The following KIAA1210 variants were observed in gnomAD, a reference collection of about 807,000 sequenced individuals.
KIAA1210 encodes the protein acrosomal protein KIAA1210.
A neutral mutation model predicts 78.9 loss-of-function variants in KIAA1210; 48 were observed. The observed-to-expected ratio is 0.61, with a 90% CI of 0.48 to 0.77. The LOEUF (loss-of-function observed/expected upper bound fraction) is 0.77. Among genes scored for constraint, KIAA1210 ranks in the 30% least tolerant of loss-of-function variants. The pLI is 0.00. For synonymous variants in KIAA1210, 406 were observed against 404.5 expected, an observed-to-expected ratio of 1.00 and a Z score of -0.04; for missense variants, 1,108 against 1,100.0, an observed-to-expected ratio of 1.01 and a Z score of -0.10.
intron 3 of KIAA1210, among the ~76,000 whole-genome samples, chrX:119,109,766 C>T (rs7056581): frequency 0.014 from 1,583 of 111,786 alleles, 36 homozygotes; most frequent in African/African-American, 0.049. Flanking sequence ...AAGATCTTCA[C>T]AGATACACAA....
At position 119,088,175 on chromosome X, in the gene KIAA1210, G is replaced by A. The variant is rs1187268236; in HGVS notation, c.2527C>T (p.Pro843Ser). ...ERVISVEPLL[P>S]RYSPQSLTDP... The stretch of plus-strand genomic sequence containing the variant: ...GTCAAGGACTGAGGAGAATATCTGG[G>A]GAGTAGTGGCTCCACAGAAATGACT... The change falls in exon 9 of 12, where the codon CCC (proline) becomes TCC (serine). Residue 843 changes from proline (P) to serine (S), a missense_variant. By Grantham distance (74) the Pro-to-Ser change is moderately conservative. Around this residue, in one of 5 missense-constraint regions of KIAA1210, gnomAD observed 672 missense variants for 607.1 expected, o/e 1.11. Transcript: ENST00000691062. 1.7e-6 allele frequency: 2 copies of A among 1,211,308 alleles called. No individual in the cohort carries two copies. Among genetic ancestry groups the A allele is most frequent in the Non-Finnish European group, 2.2e-6 (2 of 895,141 alleles).
At chrX:119,127,260 C>T (rs113681363) in intron 1 of KIAA1210, among the ~76,000 whole-genome samples, 5,994 of 108,377 alleles carry the variant, frequency 0.055, 331 homozygotes, top group African/African-American at 0.16. Context: ...AAAAAAAGCC[C>T]GTTAACCACA....
At chrX:119,111,631 G>A (rs1204667027) in intron 3 of KIAA1210, among the ~76,000 whole-genome samples, 1 of 110,660 alleles carries the variant, frequency 9.0e-6, no homozygotes, top group African/African-American at 3.3e-5. Context: ...GGGAGGGATA[G>A]CATTAGGAGA....
At chrX:119,089,859 G>A in intron 8 of KIAA1210, 113 bp from the exon 9 acceptor site, 3 of 693,766 alleles carry the variant, frequency 4.3e-6, no homozygotes, top group Non-Finnish European at 6.4e-6. Context: ...TTCCTAGTAT[G>A]AGGAAGCAGC....
chrX:119,110,028 T>C (rs915054702), intron 3 of KIAA1210, among the ~76,000 whole-genome samples: 1 of 111,773 alleles, frequency 8.9e-6, no homozygotes, highest in Non-Finnish European at 1.9e-5. Context: ...TGGTAATGTA[T>C]TTTACCTTTA....
chrX:119,089,548 C>T lies in KIAA1210; in HGVS notation c.1154G>A (p.Ser385Asn). 1.7e-6 allele frequency: 2 copies of T among 1,211,459 alleles called. No homozygotes were observed. Among genetic ancestry groups the T allele is most frequent in the Middle Eastern group, 2.3e-4 (1 of 4,353 alleles). ...TCTATCGCCCAGGCCATACCCTTCA[C>T]TGGATTGTTTAAGGCTTCTTCCTTT... ...EFKGRSLKQS[S>N]EGYGLGDRAG... The change falls in exon 9 of 12, where the codon AGT becomes AAT. Residue 385 changes from serine (S) to asparagine (N), a missense_variant. Ser to Asn is a conservative substitution (Grantham distance 46). Transcript: ENST00000691062.
chrX:119,089,058 A>G lies in KIAA1210; in HGVS notation c.1644T>C (p.Asp548=), dbSNP rs1302727293. The change falls in exon 9 of 12, where the codon GAT becomes GAC. Residue 548 remains aspartate (D), a synonymous_variant. Coordinates refer to ENST00000691062, the MANE Select transcript of KIAA1210 (RefSeq NM_001394962.1). The part of the protein sequence containing the change: ...KAQSKMESAQ[D]VQTICKEKPS... ...GCTTTTCTTTGCAGATAGTTTGAAC[A>G]TCCTGGGCTGACTCCATTTTGGATT... 8.3e-7 allele frequency: 1 copy of G among 1,211,894 alleles called. No homozygotes were observed. Among genetic ancestry groups the G allele is most frequent in the African/African-American group, 1.7e-5 (1 of 57,955 alleles).
In KIAA1210 at chrX:119,105,128, C is replaced by T. The variant is rs767793549; in HGVS notation, c.512G>A (p.Arg171His). ...KITENPPSRRRRLSIIPPVIQ... is the reference protein window; with the variant it reads ...KITENPPSRRHRLSIIPPVIQ... ...AACAGGTGGGATGATGCTGAGTCGG[C>T]GTCGGCGCGATGGTGGGTTCTGTCA... The change falls in exon 6 of 12, where the codon CGC (arginine) becomes CAC (histidine). Residue 171 changes from arginine (R) to histidine (H), a missense_variant. Arg to His is a conservative substitution (Grantham distance 29, BLOSUM62 0). Coordinates refer to ENST00000691062, the MANE Select transcript of KIAA1210 (RefSeq NM_001394962.1). The T allele has an allele frequency of 1.3e-5, 16 of 1,203,463 alleles. No homozygotes were observed. Among genetic ancestry groups the T allele is most frequent in the South Asian group, 1.3e-4 (7 of 55,333 alleles).
intron 10 of KIAA1210, among the ~76,000 whole-genome samples, 175 bp from the exon 11 acceptor site, chrX:119,083,295 C>T (rs142355170): frequency 8.9e-6 from 1 of 112,080 alleles, no homozygotes; most frequent in Non-Finnish European, 1.9e-5. Flanking sequence ...TAGCATTGAG[C>T]CTTTTGGCTT....
chrX:119,126,316 A>C (rs929327325), intron 1 of KIAA1210, among the ~76,000 whole-genome samples: 1 of 111,546 alleles, frequency 9.0e-6, no homozygotes, highest in Non-Finnish European at 1.9e-5. Flanking sequence ...AAGGTTCCAA[A>C]TCACCATGAG....
intron 6 of KIAA1210, among the ~76,000 whole-genome samples, chrX:119,100,573 T>C (rs1226441454): frequency 8.9e-6 from 1 of 111,773 alleles, no homozygotes. Context: ...TTTTCGTTCG[T>C]ATAAATCTAA....
At chrX:119,113,591 A>G (rs1928152736) in intron 3 of KIAA1210, among the ~76,000 whole-genome samples, 1 of 111,852 alleles carries the variant, frequency 8.9e-6, no homozygotes, top group Non-Finnish European at 1.9e-5. Context: ...TTTTAGGGTG[A>G]CAAAATGTCC....
In KIAA1210 at chrX:119,081,243, G is replaced by C; in HGVS notation, c.*86C>G. On this transcript the variant is annotated 3_prime_UTR_variant, in exon 12 of 12. Transcript: ENST00000691062. ...GATCGCGCCACTGCACTCCAATCTG[G>C]GTAACAGAGCGAGACTCTGTCTCAA... The C allele has an allele frequency of 1.2e-6, 1 of 833,992 alleles. No individual in the cohort carries two copies. Among genetic ancestry groups the C allele is most frequent in the Non-Finnish European group, 1.6e-6 (1 of 622,979 alleles). The allele number at this position is 833,992 out of a possible 1,213,427, so 68.7% of individuals were successfully genotyped here.
rs367944230 is a variant in KIAA1210 at position 119,081,139 on chromosome X, C to T, written c.*190G>A. 4 of 300,087 alleles carry T rather than the reference C, an allele frequency of 1.3e-5. No homozygotes were observed. The highest frequency in any genetic ancestry group is 1.1e-5 in the Non-Finnish European group (2 of 176,736). The allele number at this position is 300,087 out of a possible 1,213,427, so 24.7% of individuals were successfully genotyped here. A position where few individuals can be genotyped will look rare whatever the true frequency, so the allele number is the denominator to read the frequency against. On this transcript the variant is annotated 3_prime_UTR_variant, in exon 12 of 12. Transcript: ENST00000691062. ...AAAATTAGCCGGGCGTGATGGCGGG[C>T]GCCTGTAGTCCCAGCTAGTCGGGAG...
At chrX:119,128,903 G>A (rs188986886), upstream of KIAA1210, among the ~76,000 whole-genome samples, 4 of 111,704 alleles carry the variant, frequency 3.6e-5, no homozygotes, top group East Asian at 1.1e-3. Flanking sequence ...TCAAACTCCC[G>A]ACCTCAGGTG....
intron 2 of KIAA1210, chrX:119,147,372 A>G: frequency 1.0e-6 from 1 of 985,602 alleles, no homozygotes; most frequent in South Asian, 2.2e-5. Context: ...CAGGGTCATC[A>G]GGGAAGTTTT....
At chrX:119,092,642 T>C (rs1039760712) in intron 8 of KIAA1210, among the ~76,000 whole-genome samples, 9 of 109,662 alleles carry the variant, frequency 8.2e-5, no homozygotes, top group South Asian at 3.9e-4. Flanking sequence ...GCGCCTGTAG[T>C]CCCAGCTACT....
upstream of KIAA1210, among the ~76,000 whole-genome samples, chrX:119,131,741 T>C (rs975997158): frequency 8.9e-6 from 1 of 111,997 alleles, no homozygotes; most frequent in Non-Finnish European, 1.9e-5. Context: ...ATGTGGCCTC[T>C]AGTAGCTGAG....
rs73213130 is a variant in KIAA1210, at chrX:119,095,023, C to T, written c.847-1248G>A. Among the ~76,000 whole-genome samples the T allele has an allele frequency of 4.1e-3, 462 of 111,804 alleles. 1 individual carries two copies. The highest frequency in any genetic ancestry group is 7.5e-3 in the Non-Finnish European group (400 of 53,141). ...CTCTCAAGGCCACCAGAGGGCTTCC[C>T]TCTGCCGCCCTGCTCCTCCACCTGT... is the stretch of plus-strand genomic sequence containing the variant. On this transcript the variant is annotated intron_variant, in intron 7 of 11. Transcript: ENST00000691062.
Sources: gnomAD v4.1 joint callset for allele counts (sites outside exome capture counted in the v4.1 genomes callset) on GRCh38, gnomAD v4.1.1 for gene constraint, gnomAD v4.1.1 regional missense constraint, MANE v1.5 for transcripts, NCBI Gene and HGNC (gene_info 2026-07-23, HGNC 2026-07-21) for gene names.